Variants in HEXD observed in about 807,000 individuals in gnomAD.
HEXD encodes hexosaminidase D.
HEXD carries 47 observed loss-of-function variants against 54.2 expected under a neutral mutation model. That is an observed-to-expected ratio of 0.87 (90% CI 0.69 to 1.11). The LOEUF (loss-of-function observed/expected upper bound fraction) is 1.11, where lower values mean the gene tolerates loss of function less well. HEXD is among the 50% of genes least tolerant of loss of function. The pLI is 0.00. For synonymous variants in HEXD, 293 were observed against 287.6 expected (o/e 1.02, Z -0.19); for missense variants, 576 against 649.2 (o/e 0.89, Z 1.23).
intron 4 of HEXD, among the ~76,000 whole-genome samples, chr17:82,430,507 C>T (rs1477652154): frequency 3.3e-5 from 5 of 152,178 alleles, no homozygotes; most frequent in African/African-American, 9.7e-5. Flanking sequence ...CCTGCCTCAG[C>T]CTCCTGAGCA....
chr17:82,441,689 A>G (rs1254444411), intron 11 of HEXD, 111 bp from the exon 12 acceptor site: 3 of 861,932 alleles, frequency 3.5e-6, no homozygotes, highest in Non-Finnish European at 5.9e-6. Context: ...TCTGGGGGAC[A>G]TAAGACTTAG....
At chr17:82,428,707 G>T in intron 4 of HEXD, 62 bp downstream of exon 4, 2 of 1,455,834 alleles carry the variant, frequency 1.4e-6, no homozygotes, top group Non-Finnish European at 1.9e-6. Context: ...TGCAGGCTGG[G>T]CCAGGCTTGT....
At chr17:82,429,650 G>A (rs955744772) in intron 4 of HEXD, among the ~76,000 whole-genome samples, 4 of 152,018 alleles carry the variant, frequency 2.6e-5, no homozygotes, top group Admixed American at 1.3e-4. Context: ...TGGGCCCCTC[G>A]GTAGCTTCTG....
At position 82,439,142 on chromosome 17, in the gene HEXD, C is replaced by T. The variant is rs972452703; in HGVS notation, c.900-489C>T. On this transcript the variant is annotated intron_variant, in intron 8 of 12. Transcript: ENST00000327949. Reference sequence around the variant, plus strand: ...GATGCTGCCCCTGACCTGCTGCCTGCCACGCCTGATCTCTCGCCCTCCTCA... The same window carrying T: ...GATGCTGCCCCTGACCTGCTGCCTGTCACGCCTGATCTCTCGCCCTCCTCA... 4.6e-5 allele frequency among the ~76,000 whole-genome samples: 7 copies of T among 152,374 alleles called. No homozygotes were observed. The East Asian group carries it at 1.3e-3, about 29-fold the overall frequency.
chr17:82,421,563 C>T (rs186851989), intron 2 of HEXD, among the ~76,000 whole-genome samples: 6 of 152,308 alleles, frequency 3.9e-5, no homozygotes, highest in East Asian at 1.9e-4. Context: ...TGGTGGCTCA[C>T]GTCTGTAATC....
chr17:82,421,280 C>T (rs985582619), intron 2 of HEXD, among the ~76,000 whole-genome samples: 6 of 152,034 alleles, frequency 3.9e-5, no homozygotes, highest in East Asian at 1.9e-4. Flanking sequence ...CTCAGAAATA[C>T]GTAACAAAAC....
At chr17:82,439,522 G>T in intron 8 of HEXD, 109 bp from the exon 9 acceptor site, 1 of 1,479,316 alleles carries the variant, frequency 6.8e-7, no homozygotes, top group Middle Eastern at 2.4e-4. Context: ...CCCCAGCGCT[G>T]ATGTAGCCTA....
intron 4 of HEXD, 101 bp from the exon 5 acceptor site, chr17:82,433,557 T>G: frequency 8.0e-7 from 1 of 1,247,284 alleles, no homozygotes; most frequent in Non-Finnish European, 1.1e-6. Context: ...GGCCTAATTT[T>G]TTTGTATTAT....
At chr17:82,435,258 G>A (rs545681853) in intron 5 of HEXD, among the ~76,000 whole-genome samples, 6 of 152,318 alleles carry the variant, frequency 3.9e-5, no homozygotes, top group Admixed American at 2.6e-4. Flanking sequence ...CGGCGACCAC[G>A]GTCTGCTTCC....
In HEXD at chr17:82,435,707, G is replaced by C. The variant is rs957255298; in HGVS notation, c.466G>C (p.Gly156Arg). 1.2e-6 allele frequency: 2 copies of C among 1,612,450 alleles called. No individual in the cohort carries two copies. The highest frequency in any genetic ancestry group is 1.3e-5 in the African/African-American group (1 of 75,058). Residue 156 changes from glycine (G) to arginine (R), a missense_variant, in exon 6 of 13, where the codon GGG becomes CGG. Transcript: ENST00000327949. ...GCDEVYYLGE[G>R]EASRRWLQQE... ...CTTGCAGGTCTATTACCTCGGAGAG[G>C]GGGAGGCCTCGCGCCGGTGGCTACA...
rs1415711787 is a variant in HEXD at position 82,436,750 on chromosome 17, G to C, written c.703+12G>C. 1 of 1,608,680 alleles carries C rather than the reference G, an allele frequency of 6.2e-7. No homozygotes were observed. The highest frequency in any genetic ancestry group is 8.5e-7 in the Non-Finnish European group (1 of 1,177,666). On this transcript the variant is annotated intron_variant, in intron 7 of 12. Transcript: ENST00000327949. The stretch of plus-strand genomic sequence containing the variant: ...TGTGCACGGCAAGGGTCAGTGCCAA[G>C]TTGTGGGGGGTGTGTTGTCCTGGCC...
At chr17:82,424,822 C>T (rs2053350115) in intron 3 of HEXD, among the ~76,000 whole-genome samples, 1 of 152,066 alleles carries the variant, frequency 6.6e-6, no homozygotes, top group African/African-American at 2.4e-5. Flanking sequence ...GAAGGCTGGA[C>T]TACAGAAGGT....
intron 2 of HEXD, among the ~76,000 whole-genome samples, chr17:82,422,763 C>T (rs759587444): frequency 6.6e-5 from 10 of 151,744 alleles, no homozygotes; most frequent in Non-Finnish European, 1.5e-4. Context: ...GATGAAGAGG[C>T]ATTTTGACTT....
At chr17:82,435,455 G>A (rs1292050238) in intron 5 of HEXD, among the ~76,000 whole-genome samples, 1 of 152,220 alleles carries the variant, frequency 6.6e-6, no homozygotes, top group Admixed American at 6.5e-5. Context: ...TCTCTGCTTT[G>A]TTGGCTGTGA....
chr17:82,429,500 T>G (rs1400341611), intron 4 of HEXD, among the ~76,000 whole-genome samples: 2 of 152,146 alleles, frequency 1.3e-5, no homozygotes, highest in African/African-American at 4.8e-5. Context: ...GCCTTTCTAG[T>G]TGATTCTCTC....
At chr17:82,424,329 T>C (rs2053331159) in intron 2 of HEXD, 65 bp from the exon 3 acceptor site, 1 of 1,015,332 alleles carries the variant, frequency 9.8e-7, no homozygotes, top group African/African-American at 1.6e-5. Context: ...GTCTCCCTGC[T>C]GTGGACTTGC....
intron 9 of HEXD, chr17:82,440,210 G>C: frequency 7.8e-7 from 1 of 1,289,704 alleles, no homozygotes; most frequent in Non-Finnish European, 1.0e-6. Context: ...AGCTGTGTGT[G>C]TGGAAACTCG....
chr17:82,440,050 A>C (rs1372175540), intron 9 of HEXD: 7 of 1,310,498 alleles, frequency 5.3e-6, no homozygotes, highest in Non-Finnish European at 7.0e-6. Flanking sequence ...CTGGCCGAGC[A>C]GGTGTGGGGC....
intron 2 of HEXD, among the ~76,000 whole-genome samples, chr17:82,422,012 C>G (rs975584416): frequency 8.6e-5 from 13 of 151,600 alleles, no homozygotes; most frequent in African/African-American, 2.9e-4. Context: ...ACTAAAAATA[C>G]CAAAAATTAG....
Sources: allele counts gnomAD v4.1 joint callset (sites outside exome capture counted in the v4.1 genomes callset), GRCh38; gene constraint gnomAD v4.1.1; transcripts MANE v1.5; gene names NCBI Gene and HGNC (gene_info 2026-07-23, HGNC 2026-07-21).